Variants in ALKBH8 observed in about 807,000 individuals in gnomAD.
ALKBH8 encodes the protein alkB homolog 8, tRNA methyltransferase, also known as tRNA (carboxymethyluridine(34)-5-O)-methyltransferase ALKBH8.
ALKBH8 carries 36 observed loss-of-function variants against 59.8 expected under a neutral mutation model. The ratio of observed to expected loss-of-function variants is 0.60; its 90% CI spans 0.46 to 0.79. The LOEUF is 0.79. ALKBH8 is among the 30% of genes least tolerant of loss of function. The pLI, the probability that ALKBH8 is intolerant of heterozygous loss-of-function variation, is 0.00. For synonymous variants in ALKBH8, 276 were observed against 273.6 expected, an observed-to-expected ratio of 1.01 and a Z score of -0.09; for missense variants, 768 against 801.0, an observed-to-expected ratio of 0.96 and a Z score of 0.50.
intron 1 of ALKBH8, among the ~76,000 whole-genome samples, chr11:107,564,117 T>G (rs1487653275): frequency 6.6e-6 from 1 of 152,134 alleles, no homozygotes; most frequent in East Asian, 1.9e-4. Context: ...AAGTCACTAT[T>G]AACTATGATA....
In ALKBH8 at chr11:107,556,956, G is replaced by A; in HGVS notation, c.177C>T (p.Asn59=). ...NGGLGNGVSR[N]QLLPVLEKCG... is the part of the protein sequence containing the mutation. ...ATTTCTCTAAAACCGGGAGCAGCTG[G>A]TTCCGACTCACACCATTACCCAAAC... Residue 59 remains asparagine, a synonymous_variant, in exon 3 of 12, where the codon AAC becomes AAT. Transcript: ENST00000428149. The A allele has an allele frequency of 6.2e-7, 1 of 1,610,044 alleles. No homozygotes were observed. The highest frequency in any genetic ancestry group is 1.1e-5 in the South Asian group (1 of 90,530).
intron 7 of ALKBH8, among the ~76,000 whole-genome samples, chr11:107,536,894 G>A (rs1565333612): frequency 6.6e-6 from 1 of 152,120 alleles, no homozygotes; most frequent in African/African-American, 2.4e-5. Flanking sequence ...AGGCATAAGA[G>A]CATAACCAGC....
chr11:107,533,259 C>G (rs1474615769), intron 7 of ALKBH8, among the ~76,000 whole-genome samples: 2 of 152,108 alleles, frequency 1.3e-5, no homozygotes, highest in Non-Finnish European at 2.9e-5. Context: ...GGGAACAAAT[C>G]AATCCATTTG....
rs78349897 is a variant in ALKBH8, at chr11:107,545,183, A to G, written c.771+4570T>C. Among the ~76,000 whole-genome samples, 44 of 152,302 alleles carry G rather than the reference A, an allele frequency of 2.9e-4. No homozygotes were observed. The East Asian group carries it at 7.3e-3, about 25-fold the overall frequency. On this transcript the variant is annotated intron_variant, in intron 7 of 11. Transcript: ENST00000428149. ...ATTTGAGGTTGGAGATGAAGCCAGT[A>G]TGTCTGCGGTCCAGACTGTATTGTT...
At chr11:107,552,016 T>G (rs1447270221) in intron 5 of ALKBH8, 104 bp from the exon 6 acceptor site, 6 of 526,522 alleles carry the variant, frequency 1.1e-5, no homozygotes, top group African/African-American at 2.0e-5. Flanking sequence ...AGCTTTTAAT[T>G]TAGCAGTCAG....
Position 107,504,685 on chromosome 11 carries a change from G to C in ALKBH8, c.1968C>G (p.Asn656Lys). The C allele has an allele frequency of 6.5e-7, 1 of 1,549,060 alleles. No individual in the cohort carries two copies. The highest frequency in any genetic ancestry group is 1.2e-5 in the South Asian group (1 of 83,688). The change falls in exon 12 of 12, where the codon AAC becomes AAG. Residue 656 changes from asparagine to lysine, a missense_variant. Coordinates refer to ENST00000428149, the MANE Select transcript of ALKBH8 (RefSeq NM_138775.3). ...AGGCCTTTTGAAGAATCACACACCA[G>C]TTTCCTTGATCGTAGTAGCTTTGCA... ...RILQSYYDQGNWCVILQKA is the reference protein window; with the variant it reads ...RILQSYYDQGKWCVILQKA
At chr11:107,522,209 C>A in intron 10 of ALKBH8, 90 bp downstream of exon 10, 1 of 1,411,752 alleles carries the variant, frequency 7.1e-7, no homozygotes, top group Non-Finnish European at 9.4e-7. Flanking sequence ...TGGCAATGAT[C>A]TAAAAAAACA....
chr11:107,533,284 C>T (rs1164942547), intron 7 of ALKBH8, among the ~76,000 whole-genome samples: 4 of 152,108 alleles, frequency 2.6e-5, no homozygotes, highest in Admixed American at 2.0e-4. Flanking sequence ...ATAGATATGA[C>T]AACCAACTGT....
chr11:107,531,650 A>G (rs1863599002), intron 8 of ALKBH8, among the ~76,000 whole-genome samples: 1 of 152,214 alleles, frequency 6.6e-6, no homozygotes, highest in Middle Eastern at 3.2e-3. Flanking sequence ...AGAGTATTTT[A>G]TCAATGTTGA....
At position 107,553,185 on chromosome 11, in the gene ALKBH8, T is replaced by G. The variant is rs766846643; in HGVS notation, c.518A>C (p.His173Pro). 3.5e-5 allele frequency: 56 copies of G among 1,607,222 alleles called. No homozygotes were observed. Among genetic ancestry groups the G allele is most frequent in the Non-Finnish European group, 4.2e-5 (49 of 1,176,976 alleles). ...ATAACCAAAATGCTTTACTCTTCTG[T>G]GTTTTAAGGATTTTTGAGCTGTGTG... ...DNQNSQKSLK[H>P]RRVKHFGYEF... The change falls in exon 5 of 12, where the codon CAC becomes CCC. Residue 173 changes from histidine (H) to proline (P), a missense_variant. Physicochemically the swap from His to Pro is moderately conservative, Grantham distance 77. Coordinates refer to ENST00000428149, the MANE Select transcript of ALKBH8 (RefSeq NM_138775.3).
Position 107,532,301 on chromosome 11 carries a change from C to A in ALKBH8, c.877G>T (p.Gly293Ter). 1 of 1,609,550 alleles carries A rather than the reference C, an allele frequency of 6.2e-7. No homozygotes were observed. Among genetic ancestry groups the A allele is most frequent in the Non-Finnish European group, 8.5e-7 (1 of 1,176,718 alleles). Residue 293 changes from glycine (G) to a stop codon, truncating the protein, a stop_gained and splice_region_variant, in exon 8 of 12, where the codon GGA becomes TGA. Coordinates refer to ENST00000428149, the MANE Select transcript of ALKBH8 (RefSeq NM_138775.3). LOFTEE classifies it high-confidence loss of function. ...TGESRYLWTH[G>*]ITCRKFDTVQ... is the part of the protein sequence containing the mutation. The stretch of plus-strand genomic sequence containing the variant: ...ATCCTGTCATATTTCAATACATACC[C>A]ATGGGTCCAAAGGTATCTAGATTCT...
chr11:107,547,780 T>C (rs1450570392), intron 7 of ALKBH8, among the ~76,000 whole-genome samples: 3 of 152,250 alleles, frequency 2.0e-5, no homozygotes, highest in East Asian at 1.9e-4. Context: ...TCATAACTTA[T>C]GCACACTTTC....
Position 107,549,812 on chromosome 11 carries a change from G to T in ALKBH8, c.712C>A (p.His238Asn). ...TCAAAAGCGGAATGTGTATCAATAT[G>T]AGCGGGAATTCCTGAGATGGAAAAC... Reference protein sequence around the residue: ...QYEPGQGIPAHIDTHSAFEDE... With the variant: ...QYEPGQGIPANIDTHSAFEDE... Residue 238 changes from histidine (H) to asparagine (N), a missense_variant, in exon 7 of 12, where the codon CAT (histidine) becomes AAT (asparagine). Coordinates refer to ENST00000428149, the MANE Select transcript of ALKBH8 (RefSeq NM_138775.3). The T allele has an allele frequency of 6.5e-7, 1 of 1,548,384 alleles. No individual in the cohort carries two copies. The highest frequency in any genetic ancestry group is 1.2e-5 in the South Asian group (1 of 83,750).
In ALKBH8 at chr11:107,503,439, A is replaced by C. The variant is rs1467590691; in HGVS notation, c.*1219T>G. The C allele has an allele frequency of 6.6e-6, 1 of 152,216 alleles. No homozygotes were observed. Among genetic ancestry groups the C allele is most frequent in the African/African-American group, 2.4e-5 (1 of 41,464 alleles). The allele number at this position is 152,216 out of a possible 1,614,324, so 9.4% of individuals were successfully genotyped here. ...GCAATTTTTCTTTAAAACAGTCTTA[A>C]GCATTACTACTACAAAAGTAATGCA... On this transcript the variant is annotated 3_prime_UTR_variant, in exon 12 of 12. Coordinates refer to ENST00000428149, the MANE Select transcript of ALKBH8 (RefSeq NM_138775.3).
intron 8 of ALKBH8, among the ~76,000 whole-genome samples, chr11:107,530,033 T>C (rs1297450456): frequency 6.6e-6 from 1 of 152,148 alleles, no homozygotes; most frequent in Non-Finnish European, 1.5e-5. Context: ...ATACTAAGGT[T>C]CAATGTTATC....
intron 7 of ALKBH8, among the ~76,000 whole-genome samples, chr11:107,532,704 C>T (rs1305640820): frequency 6.6e-6 from 1 of 152,120 alleles, no homozygotes; most frequent in African/African-American, 2.4e-5. Flanking sequence ...GTCTCAGGAT[C>T]ACACCGTAGA....
At chr11:107,552,758 A>G (rs958321218) in intron 5 of ALKBH8, among the ~76,000 whole-genome samples, 48 of 152,194 alleles carry the variant, frequency 3.2e-4, no homozygotes, top group African/African-American at 1.2e-3. Context: ...TGCACAGGGC[A>G]CAGAGGCATG....
At chr11:107,506,890 A>C (rs1019177029) in intron 11 of ALKBH8, among the ~76,000 whole-genome samples, 11 of 152,192 alleles carry the variant, frequency 7.2e-5, no homozygotes, top group Admixed American at 7.2e-4. Context: ...GTGAAGAAAT[A>C]TAAATGAAGG....
intron 3 of ALKBH8, among the ~76,000 whole-genome samples, chr11:107,555,253 C>G (rs1198479077): frequency 6.6e-6 from 1 of 151,856 alleles, no homozygotes; most frequent in African/African-American, 2.4e-5. Flanking sequence ...GAGCAGGACT[C>G]TGTCTCAAAA....
Sources: allele counts gnomAD v4.1 joint callset (sites outside exome capture counted in the v4.1 genomes callset), GRCh38; gene constraint gnomAD v4.1.1; transcripts MANE v1.5; gene names NCBI Gene and HGNC (gene_info 2026-07-23, HGNC 2026-07-21).